Variants in VDAC1 observed in about 807,000 individuals in gnomAD.
VDAC1 encodes the protein non-selective voltage-gated ion channel VDAC1.
In VDAC1, 10 loss-of-function variants were observed where a neutral mutation model predicts 34.7. The ratio of observed to expected loss-of-function variants is 0.29; its 90% confidence interval spans 0.18 to 0.49. The LOEUF (loss-of-function observed/expected upper bound fraction) is 0.49. Ranked by LOEUF, VDAC1 falls within the 20% of genes least tolerant of loss-of-function variation. The pLI is 0.99. For synonymous variants in VDAC1, 130 were observed against 136.0 expected (o/e 0.96, Z 0.30); for missense variants, 230 against 347.9 (o/e 0.66, Z 2.69).
the VDAC1 span, among the ~76,000 whole-genome samples, chr5:134,056,535 G>A: frequency 6.6e-6 from 1 of 151,292 alleles, no homozygotes; most frequent in African/African-American, 2.4e-5. Context: ...CACCTCCTGG[G>A]CTCAAGTGAT....
the VDAC1 span, among the ~76,000 whole-genome samples, chr5:134,083,068 G>A: frequency 6.6e-6 from 1 of 152,064 alleles, no homozygotes; most frequent in Non-Finnish European, 1.5e-5. Context: ...TGCAGATTTA[G>A]ATTTATGAAA....
chr5:134,008,242 T>G (rs754151964), upstream of VDAC1, among the ~76,000 whole-genome samples: 2 of 151,470 alleles, frequency 1.3e-5, no homozygotes, highest in African/African-American at 2.4e-5. Flanking sequence ...GAAAATGAAG[T>G]AAGCCCATAA....
intron 8 of VDAC1, 52 bp downstream of exon 8, chr5:133,973,739 A>C: frequency 3.8e-6 from 6 of 1,564,910 alleles, no homozygotes; most frequent in Non-Finnish European, 4.4e-6. Context: ...GCAAACCAGC[A>C]CCACAATTTT....
the VDAC1 span, among the ~76,000 whole-genome samples, chr5:134,112,439 T>C: frequency 6.6e-6 from 1 of 152,200 alleles, no homozygotes; most frequent in African/African-American, 2.4e-5. Context: ...TGGCTGTGGA[T>C]GCCTGTGACT....
chr5:134,058,892 C>T, the VDAC1 span, among the ~76,000 whole-genome samples: 14 of 152,240 alleles, frequency 9.2e-5, no homozygotes, highest in Non-Finnish European at 1.6e-4. Flanking sequence ...CCTGGCCCCA[C>T]CTTGCCCTCT....
the VDAC1 span, among the ~76,000 whole-genome samples, chr5:134,091,941 G>C: frequency 6.6e-6 from 1 of 152,236 alleles, no homozygotes; most frequent in African/African-American, 2.4e-5. Flanking sequence ...TGGTAAGTCA[G>C]ATCCTGGCCT....
chr5:134,010,082 AGTGATACAATCC>A, the VDAC1 span, among the ~76,000 whole-genome samples: 1 of 152,236 alleles, frequency 6.6e-6, no homozygotes, highest in African/African-American at 2.4e-5. Context: ...AGATGTGTAA[AGTGATACAATCC>A]TTCTGAAAAG....
At chr5:134,004,242 G>T (rs1359883476) in intron 1 of VDAC1, among the ~76,000 whole-genome samples, 1 of 152,030 alleles carries the variant, frequency 6.6e-6, no homozygotes, top group Non-Finnish European at 1.5e-5. Context: ...CGGCGAGCGT[G>T]GGCGGCGAAC....
At chr5:134,063,723 C>T in the VDAC1 span, among the ~76,000 whole-genome samples, 1 of 152,166 alleles carries the variant, frequency 6.6e-6, no homozygotes, top group South Asian at 2.1e-4. Flanking sequence ...GCCAGAGTGT[C>T]CCTAGGTAAG....
chr5:134,055,409 TTTTGTTTGTTTG>T, the VDAC1 span, among the ~76,000 whole-genome samples: 1 of 151,644 alleles, frequency 6.6e-6, no homozygotes, highest in Non-Finnish European at 1.5e-5. Context: ...CAAGTGCTTA[TTTTGTTTGTTTG>T]TTTGTTTGTT....
At chr5:134,060,366 T>TC in the VDAC1 span, among the ~76,000 whole-genome samples, 6 of 151,914 alleles carry the variant, frequency 3.9e-5, no homozygotes, top group African/African-American at 1.4e-4. Context: ...AGGAAGGTGC[T>TC]CAGGAAATAT....
At chr5:134,055,588 G>GTTTTTTTTTTTTTTTTTTT in the VDAC1 span, among the ~76,000 whole-genome samples, 56 of 59,612 alleles carry the variant, frequency 9.4e-4, 5 homozygotes, top group East Asian at 1.4e-3. Context: ...CCCCGCTAAT[G>GTTTTTTTTTTTTTTTTTTT]TTTTTTTTTT....
chr5:134,092,782 G>A, the VDAC1 span, among the ~76,000 whole-genome samples: 1 of 152,122 alleles, frequency 6.6e-6, no homozygotes, highest in African/African-American at 2.4e-5. Context: ...GCCCCACACA[G>A]AAGGAACAAA....
the VDAC1 span, among the ~76,000 whole-genome samples, chr5:134,080,534 C>A: frequency 6.6e-6 from 1 of 152,240 alleles, no homozygotes; most frequent in Non-Finnish European, 1.5e-5. Context: ...GGTACAGTAC[C>A]ACGGGCAGGT....
the VDAC1 span, among the ~76,000 whole-genome samples, chr5:134,062,099 G>A: frequency 6.6e-6 from 1 of 151,556 alleles, no homozygotes; most frequent in Non-Finnish European, 1.5e-5. Flanking sequence ...CGATTCTCCT[G>A]CCTCAGCCTC....
At chr5:134,071,120 C>A in the VDAC1 span, among the ~76,000 whole-genome samples, 1 of 152,212 alleles carries the variant, frequency 6.6e-6, no homozygotes, top group Non-Finnish European at 1.5e-5. The surrounding 1 kb of genome is among the most constrained non-coding windows in gnomAD (Gnocchi z 4.1). Flanking sequence ...CACACCTCGA[C>A]CCCGCGACCC....
the VDAC1 span, among the ~76,000 whole-genome samples, chr5:134,031,870 G>A: frequency 2.0e-5 from 3 of 150,214 alleles, no homozygotes; most frequent in African/African-American, 7.4e-5. Context: ...AGAATCGCTT[G>A]AACCTGGGAG....
In VDAC1 at chr5:133,973,929, T is replaced by G. The variant is rs997360154; in HGVS notation, c.703-81A>C. The G allele has an allele frequency of 2.2e-6, 3 of 1,375,554 alleles. No homozygotes were observed. The Admixed American group carries it at 6.4e-5, about 29-fold the overall frequency. 85.2% of individuals were successfully genotyped at this position (1,375,554 alleles called of 1,614,324 possible). Reference sequence around the variant, plus strand: ...CATCTCCAAAATTAGAGCTTTTTAGTCAACCAACCTTGGACTTTAGAATCA... The same window carrying G: ...CATCTCCAAAATTAGAGCTTTTTAGGCAACCAACCTTGGACTTTAGAATCA... On this transcript the variant is annotated intron_variant, in intron 7 of 8. Coordinates refer to ENST00000265333, the MANE Select transcript of VDAC1 (RefSeq NM_003374.3).
the VDAC1 span, among the ~76,000 whole-genome samples, chr5:134,036,106 A>G: frequency 6.6e-6 from 1 of 152,206 alleles, no homozygotes; most frequent in Non-Finnish European, 1.5e-5. Flanking sequence ...CCAAAATATG[A>G]CAAGAAATAT....
Sources: gnomAD v4.1 joint callset for allele counts (sites outside exome capture counted in the v4.1 genomes callset) on GRCh38, gnomAD v4.1.1 for gene constraint, Gnocchi (gnomAD v3.1) non-coding constraint, MANE v1.5 for transcripts, NCBI Gene and HGNC (gene_info 2026-07-23, HGNC 2026-07-21) for gene names.